The following RABGAP1 variants were observed in gnomAD, a reference collection of about 807,000 sequenced individuals.
The protein encoded by RABGAP1 is rab GTPase-activating protein 1.
In RABGAP1, 23 loss-of-function variants were observed where a neutral mutation model predicts 137.6. The observed-to-expected ratio is 0.17, with a 90% CI of 0.12 to 0.24. RABGAP1 has a LOEUF of 0.24. Ranked by LOEUF, RABGAP1 falls within the 10% of genes least tolerant of loss-of-function variation. The pLI is 1.00. For synonymous variants in RABGAP1, 451 were observed against 450.7 expected, an observed-to-expected ratio of 1.00 and a Z score of -0.01; for missense variants, 906 against 1,275.8, an observed-to-expected ratio of 0.71 and a Z score of 4.42.
chr9:122,980,678 T>C (rs1357886658), intron 2 of RABGAP1, among the ~76,000 whole-genome samples: 1 of 152,226 alleles, frequency 6.6e-6, no homozygotes, highest in East Asian at 1.9e-4. Context: ...CTAGTGGAGA[T>C]AGGCATGTGC....
intron 2 of RABGAP1, among the ~76,000 whole-genome samples, chr9:122,980,382 C>CT (rs1203803007): frequency 6.6e-6 from 1 of 152,148 alleles, no homozygotes; most frequent in Non-Finnish European, 1.5e-5. Flanking sequence ...GTAGCTGGGA[C>CT]TACAGGCACA....
intron 2 of RABGAP1, among the ~76,000 whole-genome samples, chr9:122,960,030 C>A (rs774384339): frequency 2.6e-5 from 4 of 152,128 alleles, no homozygotes; most frequent in Non-Finnish European, 4.4e-5. Context: ...GCTTCATGCA[C>A]GACAGAGTAT....
chr9:123,079,558 TTTG>T (rs2034644298), intron 19 of RABGAP1, among the ~76,000 whole-genome samples: 1 of 152,120 alleles, frequency 6.6e-6, no homozygotes, highest in South Asian at 2.1e-4. Context: ...TGTTTAAATT[TTTG>T]TTGTTGTGAT....
chr9:122,947,986 G>A (rs1398392224), intron 1 of RABGAP1, among the ~76,000 whole-genome samples: 1 of 150,874 alleles, frequency 6.6e-6, no homozygotes, highest in East Asian at 2.0e-4. Context: ...CCAGGGATAG[G>A]CTGTGTGAAA....
In RABGAP1 at chr9:123,076,182, A is replaced by G. The variant is rs1038702036; in HGVS notation, c.2254-63A>G. 434 of 1,525,850 alleles carry G rather than the reference A, an allele frequency of 2.8e-4. 2 individuals carry two copies. The highest frequency in any genetic ancestry group is 3.4e-4 in the Middle Eastern group (2 of 5,838). 94.5% of individuals were successfully genotyped at this position (1,525,850 alleles called of 1,614,324 possible). A position where few individuals can be genotyped will look rare whatever the true frequency, so the allele number is the denominator to read the frequency against. ...TTCTTTAAAAATGTGGGGTATAAGG[A>G]CAAATAGCATAATAGTCGAGATATA... On this transcript the variant is annotated intron_variant, in intron 17 of 25. Coordinates refer to ENST00000373647, the MANE Select transcript of RABGAP1 (RefSeq NM_012197.4).
At chr9:123,003,762 A>G (rs943364908) in intron 10 of RABGAP1, among the ~76,000 whole-genome samples, 1 of 152,184 alleles carries the variant, frequency 6.6e-6, no homozygotes, top group African/African-American at 2.4e-5. Context: ...TTGGACTTAA[A>G]TTTTCTTATA....
At position 123,103,672 on chromosome 9, in the gene RABGAP1, ATTC is replaced by A. The variant is rs1320974054; in HGVS notation, c.*462_*464del. ...GGGCAAGGGATCAGAAATTCAAATAATTCTTTTCTGCTTCAATGCCAGCAGAAG... is the reference window on the plus strand; with the variant it reads ...GGGCAAGGGATCAGAAATTCAAATAATTTTCTGCTTCAATGCCAGCAGAAG... On this transcript the variant is annotated 3_prime_UTR_variant, in exon 26 of 26. Transcript: ENST00000373647. 7.7e-6 allele frequency: 1 copy of A among 129,928 alleles called. No individual in the cohort carries two copies. The highest frequency in any genetic ancestry group is 2.8e-5 in the African/African-American group (1 of 36,030). The allele number at this position is 129,928 out of a possible 1,614,324, so 8.0% of individuals were successfully genotyped here.
chr9:123,035,639 CGTGTGTGTGTGTGTGTGTGTGTGT>C (rs5900552), intron 13 of RABGAP1: 14 of 733,278 alleles, frequency 1.9e-5, no homozygotes, highest in East Asian at 5.1e-5. Context: ...ACGGGGTTCC[CGTGTGTGTGTGTGTGTGTGTGTGT>C]GTGTGTGTGT....
At chr9:122,957,698 A>G (rs1834605298) in intron 2 of RABGAP1, among the ~76,000 whole-genome samples, 1 of 152,158 alleles carries the variant, frequency 6.6e-6, no homozygotes, top group Admixed American at 6.5e-5. Context: ...AAATAAAAAC[A>G]GATTATCTGT....
chr9:123,056,315 T>C (rs909762108), intron 13 of RABGAP1, among the ~76,000 whole-genome samples: 5 of 152,220 alleles, frequency 3.3e-5, no homozygotes, highest in Non-Finnish European at 5.9e-5. Context: ...TCCATTCTTA[T>C]AGACTAGAAG....
intron 9 of RABGAP1, among the ~76,000 whole-genome samples, 177 bp from the exon 10 acceptor site, chr9:122,998,420 A>T (rs913246094): frequency 2.6e-5 from 4 of 152,282 alleles, no homozygotes; most frequent in Admixed American, 1.3e-4. Context: ...ATAATTCTCA[A>T]TATGGAATTT....
intron 13 of RABGAP1, chr9:123,035,355 C>T (rs2032576366): frequency 6.2e-7 from 1 of 1,614,124 alleles, no homozygotes; most frequent in South Asian, 1.1e-5. Flanking sequence ...TATTTTACAT[C>T]CTCTGGTTGC....
chr9:123,099,153 T>C (rs190395836), intron 23 of RABGAP1, among the ~76,000 whole-genome samples: 49 of 152,308 alleles, frequency 3.2e-4, no homozygotes, highest in Admixed American at 1.8e-3. Context: ...CCCTGACTGG[T>C]TGAGTTTTAA....
At chr9:123,090,011 C>T (rs2034987776) in intron 20 of RABGAP1, among the ~76,000 whole-genome samples, 161 bp downstream of exon 20, 1 of 152,204 alleles carries the variant, frequency 6.6e-6, no homozygotes, top group Non-Finnish European at 1.5e-5. Context: ...TTGCTTCAAA[C>T]CAGCTGCCTG....
At chr9:122,979,057 C>A (rs1489741333) in intron 2 of RABGAP1, among the ~76,000 whole-genome samples, 2 of 152,036 alleles carry the variant, frequency 1.3e-5, no homozygotes, top group African/African-American at 4.8e-5. Flanking sequence ...GCCAGTACTT[C>A]TGGCTAATTT....
chr9:122,937,175 A>G (rs1833399134), upstream of RABGAP1, among the ~76,000 whole-genome samples: 1 of 152,246 alleles, frequency 6.6e-6, no homozygotes, highest in African/African-American at 2.4e-5. Context: ...AAGACATACA[A>G]ATAAACAGGA....
chr9:123,009,214 A>G (rs1418661102), intron 10 of RABGAP1, among the ~76,000 whole-genome samples: 1 of 152,242 alleles, frequency 6.6e-6, no homozygotes, highest in African/African-American at 2.4e-5. Flanking sequence ...ACTGGCCCAT[A>G]TAGCCTAAAA....
chr9:122,997,887 GCATTTTTCCCCCCTTCAGT>G (rs1837116504), intron 9 of RABGAP1, among the ~76,000 whole-genome samples: 1 of 152,052 alleles, frequency 6.6e-6, no homozygotes, highest in African/African-American at 2.4e-5. Context: ...CTCTTATTGA[GCATTTTTCCCCCCTTCAGT>G]TTTTTGTTAT....
intron 13 of RABGAP1, among the ~76,000 whole-genome samples, chr9:123,059,240 C>A (rs1194517382): frequency 1.3e-5 from 2 of 152,092 alleles, no homozygotes; most frequent in Non-Finnish European, 2.9e-5. Flanking sequence ...ATGTTTATGT[C>A]CCCCCAAAAT....
Sources: allele counts gnomAD v4.1 joint callset (sites outside exome capture counted in the v4.1 genomes callset), GRCh38; gene constraint gnomAD v4.1.1; transcripts MANE v1.5; gene names NCBI Gene and HGNC (gene_info 2026-07-23, HGNC 2026-07-21).